The following CASP8 variants were observed in gnomAD, a reference collection of about 807,000 sequenced individuals.
CASP8 encodes the protein caspase 8.
CASP8 carries 24 observed loss-of-function variants against 46.3 expected under a neutral mutation model. That is an observed-to-expected ratio of 0.52 (90% CI 0.38 to 0.73). CASP8 has a LOEUF of 0.73. CASP8 is among the 30% of genes least tolerant of loss of function. CASP8 has a pLI of 0.00. For synonymous variants in CASP8, 188 were observed against 200.4 expected (o/e 0.94, Z 0.52); for missense variants, 460 against 559.0 (o/e 0.82, Z 1.79).
At chr2:201,245,429 C>T (rs1946468599) in intron 2 of CASP8, among the ~76,000 whole-genome samples, 1 of 152,066 alleles carries the variant, frequency 6.6e-6, no homozygotes, top group South Asian at 2.1e-4. Flanking sequence ...TTAGTACAGA[C>T]AGGGTTTCAC....
At chr2:201,263,257 A>C (rs772375036) in intron 1 of CASP8, among the ~76,000 whole-genome samples, 6 of 152,226 alleles carry the variant, frequency 3.9e-5, no homozygotes, top group Non-Finnish European at 8.8e-5. Flanking sequence ...TTATTCTAAG[A>C]AAATAATTAG....
intron 1 of CASP8, among the ~76,000 whole-genome samples, chr2:201,261,339 C>T (rs977086779): frequency 2.7e-5 from 4 of 146,304 alleles, no homozygotes; most frequent in African/African-American, 5.2e-5. Flanking sequence ...TGTGGTGAGC[C>T]GAGATCGTGC....
chr2:201,256,926 A>G (rs995019175), upstream of CASP8, among the ~76,000 whole-genome samples: 2 of 146,744 alleles, frequency 1.4e-5, no homozygotes, highest in African/African-American at 2.5e-5. Flanking sequence ...CGGGTGGATC[A>G]CCTGAGGTCG....
intron 1 of CASP8, among the ~76,000 whole-genome samples, chr2:201,265,332 G>A (rs1478298548): frequency 6.7e-6 from 1 of 150,260 alleles, no homozygotes; most frequent in African/African-American, 2.5e-5. Context: ...CCGAGATCGC[G>A]ACACTGCACT....
At chr2:201,238,029 A>G (rs1946129787) in intron 2 of CASP8, among the ~76,000 whole-genome samples, 1 of 152,224 alleles carries the variant, frequency 6.6e-6, no homozygotes, top group Non-Finnish European at 1.5e-5. Context: ...TGAATGAAAG[A>G]GATATACTAG....
Position 201,286,718 on chromosome 2 carries a change from C to T in CASP8, c.*124C>T, listed in dbSNP as rs886055432. The stretch of plus-strand genomic sequence containing the variant: ...GCAAGCTCCGCCTCCCGGGTTCAGG[C>T]CATTCTCCTGCCTCAGCCTCCCGAG... On this transcript the variant is annotated 3_prime_UTR_variant, in exon 9 of 9. Coordinates refer to ENST00000673742, the MANE Select transcript of CASP8 (RefSeq NM_001372051.1). The T allele has an allele frequency of 1.5e-4, 112 of 745,406 alleles. No individual in the cohort carries two copies. Among genetic ancestry groups the T allele is most frequent in the Admixed American group, 3.4e-4 (16 of 47,740 alleles). 46.2% of individuals were successfully genotyped at this position (745,406 alleles called of 1,614,324 possible). A position where few individuals can be genotyped will look rare whatever the true frequency, so the allele number is the denominator to read the frequency against.
At chr2:201,249,105 C>G (rs561176119) in intron 2 of CASP8, among the ~76,000 whole-genome samples, 42 of 152,246 alleles carry the variant, frequency 2.8e-4, no homozygotes, top group African/African-American at 1.0e-3. Flanking sequence ...GTTGGTCAGG[C>G]TAGTCTTCAA....
At chr2:201,277,712 T>C (rs1948727233) in intron 7 of CASP8, 1 of 447,534 alleles carries the variant, frequency 2.2e-6, no homozygotes, top group Non-Finnish European at 4.5e-6. Flanking sequence ...ATTTTTTTTT[T>C]TTTTTTGAGA....
At chr2:201,258,451 T>C, upstream of CASP8, 6 of 1,578,726 alleles carry the variant, frequency 3.8e-6, no homozygotes, top group Non-Finnish European at 5.2e-6. Flanking sequence ...TGACTTGCTC[T>C]AGAAACAGGG....
At chr2:201,235,610 A>G (rs2124833944) in intron 2 of CASP8, among the ~76,000 whole-genome samples, 1 of 152,312 alleles carries the variant, frequency 6.6e-6, no homozygotes, top group East Asian at 1.9e-4. Flanking sequence ...TGTACTACCT[A>G]ATAGTACAGC....
chr2:201,254,974 A>T (rs1047503665), intron 2 of CASP8, among the ~76,000 whole-genome samples: 2 of 152,240 alleles, frequency 1.3e-5, no homozygotes, highest in African/African-American at 4.8e-5. Flanking sequence ...TCACACAGGC[A>T]CATGTCTCAA....
chr2:201,270,303 A>C (rs1379344292), intron 2 of CASP8, among the ~76,000 whole-genome samples: 1 of 152,214 alleles, frequency 6.6e-6, no homozygotes, highest in East Asian at 1.9e-4. Context: ...AGTACTTCAC[A>C]TAAACTTATT....
At position 201,266,573 on chromosome 2, in the gene CASP8, C is replaced by T. The variant is rs774076043; in HGVS notation, c.87C>T (p.Tyr29=). Residue 29 remains tyrosine, a synonymous_variant, in exon 2 of 9, where the codon TAC becomes TAT. Coordinates refer to ENST00000673742, the MANE Select transcript of CASP8 (RefSeq NM_001372051.1). The surrounding 1 kb of genome is among the most constrained non-coding windows in gnomAD (Gnocchi z 5.7). ...CCCTCAAGTTCCTGAGCCTGGACTA[C>T]ATTCCGCAAAGGAAGCAAGAACCCA... ...LASLKFLSLD[Y]IPQRKQEPIK... is the part of the protein sequence containing the mutation. 5.6e-6 allele frequency: 9 copies of T among 1,614,068 alleles called. No individual in the cohort carries two copies. In the African/African-American group the frequency reaches 1.1e-4, roughly 19 times the overall value.
rs1366695497 is a variant in CASP8, at chr2:201,266,431, T to C, written c.-26-30T>C. On this transcript the variant is annotated intron_variant, in intron 1 of 8. Transcript: ENST00000673742. The surrounding 1 kb of genome is among the most constrained non-coding windows in gnomAD (Gnocchi z 5.7). ...GCCAGCAAATGGTACTTTTCTTCCT[T>C]ATCTGAACATACCATTTATTTTGAC... The C allele has an allele frequency of 6.5e-7, 1 of 1,546,270 alleles. No homozygotes were observed. The highest frequency in any genetic ancestry group is 8.9e-7 in the Non-Finnish European group (1 of 1,118,638).
At chr2:201,247,656 T>A (rs1194255134) in intron 2 of CASP8, among the ~76,000 whole-genome samples, 1 of 151,684 alleles carries the variant, frequency 6.6e-6, no homozygotes, top group Non-Finnish European at 1.5e-5. Context: ...TTCTTGTATT[T>A]TTTTTTGAGA....
intron 1 of CASP8, chr2:201,233,595 A>G (rs1241147364): frequency 6.6e-6 from 1 of 152,284 alleles, no homozygotes; most frequent in Non-Finnish European, 1.5e-5. Flanking sequence ...GGGCAAGAGA[A>G]TTAGCATTTC....
chr2:201,284,702 G>GGGAGAGGGAGAGGGAGAC (rs1949458445), intron 7 of CASP8, 114 bp from the exon 8 acceptor site: 1 of 159,928 alleles, frequency 6.3e-6, no homozygotes, highest in Non-Finnish European at 1.2e-5. Flanking sequence ...GACGGGGAGA[G>GGGAGAGGGAGAGGGAGAC]GGAGAGGGAG....
At chr2:201,248,513 T>C (rs1194414290) in intron 2 of CASP8, among the ~76,000 whole-genome samples, 1 of 152,252 alleles carries the variant, frequency 6.6e-6, no homozygotes, top group East Asian at 1.9e-4. Context: ...TTCAGAAATT[T>C]GTTGAAAGTG....
In CASP8 at chr2:201,247,190, C is replaced by CAAAAAA. The variant is rs71022356; in HGVS notation, c.-27+13098_-27+13103dup. 2.6e-4 allele frequency among the ~76,000 whole-genome samples: 21 copies of CAAAAAA among 81,420 alleles called. 2 individuals carry two copies. The highest frequency in any genetic ancestry group is 1.1e-3 in the African/African-American group (21 of 19,426). 53.4% of individuals were successfully genotyped at this position (81,420 alleles called of 152,430 possible). A position where few individuals can be genotyped will look rare whatever the true frequency, so the allele number is the denominator to read the frequency against. On this transcript the variant is annotated intron_variant, in intron 2 of 6. Coordinates refer to the CASP8 transcript ENST00000264274. Reference sequence around the variant, plus strand: ...GGCGGCAGAGTGAGACTGTCTGTCTCAAAAAAAAAAAAAAAAAAAAAAAAA... The same window carrying CAAAAAA: ...GGCGGCAGAGTGAGACTGTCTGTCTCAAAAAAAAAAAAAAAAAAAAAAAAAAAAAAA...
Sources: gnomAD v4.1 joint callset for allele counts (sites outside exome capture counted in the v4.1 genomes callset) on GRCh38, gnomAD v4.1.1 for gene constraint, Gnocchi (gnomAD v3.1) non-coding constraint, MANE v1.5 for transcripts, NCBI Gene and HGNC (gene_info 2026-07-23, HGNC 2026-07-21) for gene names.